The following BCAP29 variants were observed in gnomAD, a reference collection of about 807,000 sequenced individuals.
The protein encoded by BCAP29 is B cell receptor associated protein 29, also known as B-cell receptor-associated protein 29.
A neutral mutation model predicts 31.8 loss-of-function variants in BCAP29; 34 were observed. The observed-to-expected ratio is 1.07, with a 90% CI of 0.81 to 1.42. The LOEUF is 1.42. Ranked by LOEUF, BCAP29 falls within the 40% of genes most tolerant of loss-of-function variation. The pLI is 0.00. For synonymous variants in BCAP29, 104 were observed against 91.3 expected, an observed-to-expected ratio of 1.14 and a Z score of -0.79; for missense variants, 314 against 269.2, an observed-to-expected ratio of 1.17 and a Z score of -1.16.
chr7:107,586,220 T>C (rs1349438872), intron 3 of BCAP29, among the ~76,000 whole-genome samples: 1 of 152,156 alleles, frequency 6.6e-6, no homozygotes, highest in African/African-American at 2.4e-5. Flanking sequence ...AGGCAGTAAA[T>C]GGGTACCACA....
chr7:107,593,754 T>G (rs1192607167), intron 3 of BCAP29, among the ~76,000 whole-genome samples: 3 of 152,184 alleles, frequency 2.0e-5, no homozygotes, highest in Non-Finnish European at 4.4e-5. Context: ...AATTCAAAAT[T>G]TGCTACTAGT....
intron 3 of BCAP29, among the ~76,000 whole-genome samples, chr7:107,584,632 C>T (rs1453728781): frequency 6.6e-6 from 1 of 152,036 alleles, no homozygotes; most frequent in Non-Finnish European, 1.5e-5. Flanking sequence ...ATTGCCTGAG[C>T]CCAGAAGTTC....
chr7:107,599,011 T>TATATA (rs1810399546), intron 5 of BCAP29, among the ~76,000 whole-genome samples: 1 of 128,896 alleles, frequency 7.8e-6, no homozygotes, highest in Non-Finnish European at 1.6e-5. Flanking sequence ...ATCTACAAAT[T>TATATA]TATATATATA....
intron 6 of BCAP29, among the ~76,000 whole-genome samples, chr7:107,609,536 G>T (rs1223468671): frequency 6.6e-6 from 1 of 152,204 alleles, no homozygotes; most frequent in Non-Finnish European, 1.5e-5. Flanking sequence ...CAACAGATGG[G>T]TGTGAGGTTA....
At chr7:107,587,961 T>C (rs992596370) in intron 3 of BCAP29, 5 of 152,254 alleles carry the variant, frequency 3.3e-5, no homozygotes, top group South Asian at 4.1e-4. Flanking sequence ...AGCTGTAGAA[T>C]TGAAAATAAG....
chr7:107,584,464 T>G (rs1450424042), intron 3 of BCAP29, among the ~76,000 whole-genome samples: 12 of 152,188 alleles, frequency 7.9e-5, no homozygotes, highest in Non-Finnish European at 2.9e-5. Flanking sequence ...ATCCTAGCAC[T>G]TTGGGAGGCC....
At chr7:107,583,122 T>G (rs552932465) in intron 2 of BCAP29, among the ~76,000 whole-genome samples, 1 of 152,284 alleles carries the variant, frequency 6.6e-6, no homozygotes, top group Non-Finnish European at 1.5e-5. Context: ...TCATTTAAAT[T>G]GCCCTTGTAC....
rs58688703 is a variant in BCAP29, at chr7:107,597,625, A to G, written c.480+1623A>G. Among the ~76,000 whole-genome samples, 1,185 of 152,272 alleles carry G rather than the reference A, an allele frequency of 7.8e-3. 14 individuals are homozygous for G. Among genetic ancestry groups the G allele is most frequent in the African/African-American group, 0.027 (1,119 of 41,550 alleles). On this transcript the variant is annotated intron_variant, in intron 5 of 7. Coordinates refer to ENST00000005259, the MANE Select transcript of BCAP29 (RefSeq NM_018844.4). ...TGAGTTTGGTATTGTTATTATCTGC[A>G]TTTTATAGATGAGGAAATGGAGGCA...
intron 7 of BCAP29, 100 bp from the exon 8 acceptor site, chr7:107,618,228 A>C: frequency 2.6e-6 from 2 of 762,866 alleles, no homozygotes; most frequent in Non-Finnish European, 4.1e-6. Context: ...TATTCTCATA[A>C]GTATACATAG....
intron 6 of BCAP29, among the ~76,000 whole-genome samples, chr7:107,608,569 G>A (rs1812584187): frequency 6.6e-6 from 1 of 151,942 alleles, no homozygotes; most frequent in Non-Finnish European, 1.5e-5. Context: ...CCCATTCTTA[G>A]AATCAATGTT....
chr7:107,582,415 C>CT (rs1287180202), intron 2 of BCAP29, among the ~76,000 whole-genome samples: 1 of 152,134 alleles, frequency 6.6e-6, no homozygotes. Flanking sequence ...GTATCCACAT[C>CT]TTTTTATCTT....
chr7:107,581,026 A>G (rs965992955), intron 2 of BCAP29, among the ~76,000 whole-genome samples, 162 bp downstream of exon 2: 1 of 152,244 alleles, frequency 6.6e-6, no homozygotes, highest in Non-Finnish European at 1.5e-5. Context: ...CATTTTATAT[A>G]AAACTCTGTT....
Position 107,612,413 on chromosome 7 carries a change from A to T in BCAP29, c.590-919A>T, listed in dbSNP as rs916753302. Among the ~76,000 whole-genome samples, 12 of 40,980 alleles carry T rather than the reference A, an allele frequency of 2.9e-4. 1 individual carries two copies. Among genetic ancestry groups the T allele is most frequent in the Admixed American group, 6.9e-4 (2 of 2,918 alleles). The allele number at this position is 40,980 out of a possible 152,430, so 26.9% of individuals were successfully genotyped here. On this transcript the variant is annotated intron_variant, in intron 6 of 7. Coordinates refer to ENST00000005259, the MANE Select transcript of BCAP29 (RefSeq NM_018844.4). Reference sequence around the variant, plus strand: ...GTTTTATATATATATATATATATATATATATATATATATATATATATATAT... The same window carrying T: ...GTTTTATATATATATATATATATATTTATATATATATATATATATATATAT...
chr7:107,599,844 G>A (rs1420799406), intron 5 of BCAP29, among the ~76,000 whole-genome samples: 2 of 152,062 alleles, frequency 1.3e-5, no homozygotes, highest in South Asian at 2.1e-4. Flanking sequence ...AATATAAAGA[G>A]CATTATAAAG....
intron 7 of BCAP29, among the ~76,000 whole-genome samples, chr7:107,614,986 A>G (rs1310200434): frequency 1.3e-5 from 2 of 152,154 alleles, no homozygotes; most frequent in Non-Finnish European, 2.9e-5. Flanking sequence ...TATTTGTGAG[A>G]TTAGGGTTTA....
intron 5 of BCAP29, among the ~76,000 whole-genome samples, chr7:107,599,101 T>C (rs1481549083): frequency 7.5e-6 from 1 of 132,586 alleles, no homozygotes; most frequent in East Asian, 2.0e-4. Flanking sequence ...TGTATATAAA[T>C]ATATATTTAT....
At chr7:107,595,306 C>T (rs1809614203) in intron 4 of BCAP29, among the ~76,000 whole-genome samples, 1 of 152,216 alleles carries the variant, frequency 6.6e-6, no homozygotes, top group Admixed American at 6.5e-5. Flanking sequence ...AGGAGCTAAA[C>T]CCCTGAGGGC....
intron 2 of BCAP29, among the ~76,000 whole-genome samples, chr7:107,581,842 T>C (rs1806730480): frequency 1.3e-5 from 2 of 152,174 alleles, no homozygotes; most frequent in Non-Finnish European, 2.9e-5. Flanking sequence ...AGTTGTTTCT[T>C]ACTAAAGAAA....
Position 107,613,331 on chromosome 7 carries a change from G to A in BCAP29, c.590-1G>A. 1 of 1,595,376 alleles carries A rather than the reference G, an allele frequency of 6.3e-7. No homozygotes were observed. Among genetic ancestry groups the A allele is most frequent in the Non-Finnish European group, 8.6e-7 (1 of 1,167,096 alleles). On this transcript the variant is annotated splice_acceptor_variant, in intron 6 of 7. Coordinates refer to ENST00000005259, the MANE Select transcript of BCAP29 (RefSeq NM_018844.4). LOFTEE classifies it high-confidence loss of function. ...AAATAAAACTATTCGATATTTTCTA[G>A]CCCTTTCTAAGGCACAAAATGATGT...
Sources: allele counts gnomAD v4.1 joint callset (sites outside exome capture counted in the v4.1 genomes callset), GRCh38; gene constraint gnomAD v4.1.1; transcripts MANE v1.5; gene names NCBI Gene and HGNC (gene_info 2026-07-23, HGNC 2026-07-21).